The following NR4A3 variants were observed in gnomAD, a reference collection of about 807,000 sequenced individuals.
NR4A3 encodes the protein chondrosarcoma, extraskeletal myxoid, fused to EWS.
In NR4A3, 13 loss-of-function variants were observed where a neutral mutation model predicts 55.6. The observed-to-expected ratio is 0.23, with a 90% CI of 0.15 to 0.37. The LOEUF is 0.37. Among genes scored for constraint, NR4A3 ranks in the 10% least tolerant of loss-of-function variants. The pLI is 1.00. For synonymous variants in NR4A3, 342 were observed against 357.9 expected, an observed-to-expected ratio of 0.96 and a Z score of 0.50; for missense variants, 646 against 822.8, an observed-to-expected ratio of 0.79 and a Z score of 2.63.
chr9:99,832,667 A>G, intron 3 of NR4A3, 22 bp from the exon 4 acceptor site: 1 of 1,553,350 alleles, frequency 6.4e-7, no homozygotes, highest in Non-Finnish European at 8.8e-7. Context: ...TCAGTTGACT[A>G]TCTTGTATTA....
At chr9:99,836,249 AAAAT>A (rs1256214448) in intron 5 of NR4A3, among the ~76,000 whole-genome samples, 1 of 152,238 alleles carries the variant, frequency 6.6e-6, no homozygotes, top group East Asian at 1.9e-4. Context: ...AAAGTTAACA[AAAAT>A]AAATCTGAAG....
At chr9:99,840,021 C>G (rs1388730513) in intron 5 of NR4A3, among the ~76,000 whole-genome samples, 1 of 152,222 alleles carries the variant, frequency 6.6e-6, no homozygotes, top group African/African-American at 2.4e-5. Flanking sequence ...TTGTTCCGTT[C>G]CTTTACATCT....
At chr9:99,853,404 T>C (rs1446519314) in intron 7 of NR4A3, among the ~76,000 whole-genome samples, 2 of 124,920 alleles carry the variant, frequency 1.6e-5, no homozygotes, top group East Asian at 4.6e-4. Flanking sequence ...TGTATACATG[T>C]GCCATGCTGG....
Position 99,838,193 on chromosome 9 carries a change from T to C in NR4A3, c.1254+4739T>C, listed in dbSNP as rs74901201. Reference sequence around the variant, plus strand: ...ACTGGGATTAGCTTCAGAGCCTGCATAATTACTAATGAGAAAACATACTTA... The same window carrying C: ...ACTGGGATTAGCTTCAGAGCCTGCACAATTACTAATGAGAAAACATACTTA... On this transcript the variant is annotated intron_variant, in intron 5 of 7. Coordinates refer to ENST00000395097, the MANE Select transcript of NR4A3 (RefSeq NM_006981.4). Among the ~76,000 whole-genome samples the C allele has an allele frequency of 9.5e-3, 1,451 of 152,344 alleles. 26 individuals carry two copies. Among genetic ancestry groups the C allele is most frequent in the Admixed American group, 0.047 (726 of 15,308 alleles).
chr9:99,844,416 C>T (rs1013698786), intron 5 of NR4A3, among the ~76,000 whole-genome samples: 2 of 152,314 alleles, frequency 1.3e-5, no homozygotes, highest in East Asian at 1.9e-4. Context: ...TTTGCCAATT[C>T]GGCTTAAGCA....
intron 5 of NR4A3, chr9:99,833,904 C>A (rs1040538176): frequency 1.6e-6 from 2 of 1,214,226 alleles, no homozygotes; most frequent in Middle Eastern, 3.4e-4. Flanking sequence ...AGGGATTAGA[C>A]CATTGGTGGA....
intron 3 of NR4A3, among the ~76,000 whole-genome samples, chr9:99,831,553 T>A (rs1317128785): frequency 1.3e-5 from 2 of 152,200 alleles, no homozygotes; most frequent in African/African-American, 4.8e-5. Context: ...AAGTAAATGT[T>A]AAAAAGCAAA....
At chr9:99,823,127 G>A (rs1347235213) in intron 1 of NR4A3, among the ~76,000 whole-genome samples, 2 of 152,220 alleles carry the variant, frequency 1.3e-5, no homozygotes, top group Non-Finnish European at 2.9e-5. Flanking sequence ...ACACTGACAC[G>A]TGTGGGGACG....
Position 99,866,566 on chromosome 9 carries a change from T to C in NR4A3, c.*2699T>C. The C allele has an allele frequency of 4.4e-6, 1 of 228,082 alleles. No homozygotes were observed. Among genetic ancestry groups the C allele is most frequent in the Non-Finnish European group, 8.7e-6 (1 of 114,544 alleles). 14.1% of individuals were successfully genotyped at this position (228,082 alleles called of 1,614,324 possible). On this transcript the variant is annotated 3_prime_UTR_variant, in exon 8 of 8. Transcript: ENST00000395097. ...ATCTTATCAACTCAACTCCCTTTTTTTTGTCTTAATGTTGCACATAAGTTT... is the reference window on the plus strand; with the variant it reads ...ATCTTATCAACTCAACTCCCTTTTTCTTGTCTTAATGTTGCACATAAGTTT...
intron 5 of NR4A3, among the ~76,000 whole-genome samples, chr9:99,840,087 G>A (rs186919300): frequency 6.6e-6 from 1 of 152,364 alleles, no homozygotes; most frequent in Non-Finnish European, 1.5e-5. Context: ...TGACCCTCCA[G>A]TCACCCCCAA....
chr9:99,834,306 T>C (rs1564032072), intron 5 of NR4A3, among the ~76,000 whole-genome samples: 1 of 152,194 alleles, frequency 6.6e-6, no homozygotes, highest in Non-Finnish European at 1.5e-5. Flanking sequence ...AGGCAATTTC[T>C]TTAAAGGACT....
chr9:99,826,955 T>A (rs1827307271), intron 2 of NR4A3, among the ~76,000 whole-genome samples: 1 of 152,190 alleles, frequency 6.6e-6, no homozygotes, highest in African/African-American at 2.4e-5. Flanking sequence ...CCATTTATAT[T>A]TAGCCATAAA....
chr9:99,864,757 C>A lies in NR4A3; in HGVS notation c.*890C>A. 1 of 223,636 alleles carries A rather than the reference C, an allele frequency of 4.5e-6. No homozygotes were observed. The highest frequency in any genetic ancestry group is 9.0e-6 in the Non-Finnish European group (1 of 111,710). 13.9% of individuals were successfully genotyped at this position (223,636 alleles called of 1,614,324 possible). ...ACTGTTTTGGTTGTGTTCTATCAACCCCACCAGAGTTCCCTAAACTTGCTT... is the reference window on the plus strand; with the variant it reads ...ACTGTTTTGGTTGTGTTCTATCAACACCACCAGAGTTCCCTAAACTTGCTT... On this transcript the variant is annotated 3_prime_UTR_variant, in exon 8 of 8. Coordinates refer to ENST00000395097, the MANE Select transcript of NR4A3 (RefSeq NM_006981.4).
At chr9:99,845,686 G>A (rs912780073) in intron 6 of NR4A3, among the ~76,000 whole-genome samples, 11 of 152,132 alleles carry the variant, frequency 7.2e-5, no homozygotes, top group Non-Finnish European at 1.2e-4. Context: ...AATTTTTAAA[G>A]TGCAGATTGC....
chr9:99,832,205 C>G (rs1215466509), intron 3 of NR4A3, among the ~76,000 whole-genome samples: 1 of 151,998 alleles, frequency 6.6e-6, no homozygotes, highest in Non-Finnish European at 1.5e-5. Context: ...TTAGAAAAAT[C>G]CTGATTTTGG....
At chr9:99,834,485 GAAAACAAAAACA>G (rs756738074) in intron 5 of NR4A3, among the ~76,000 whole-genome samples, 4 of 151,972 alleles carry the variant, frequency 2.6e-5, no homozygotes, top group African/African-American at 4.8e-5. Flanking sequence ...CTACTTGAAG[GAAAACAAAAACA>G]AAAACAAAAA....
At chr9:99,846,431 C>T (rs1467785575) in intron 6 of NR4A3, among the ~76,000 whole-genome samples, 1 of 152,096 alleles carries the variant, frequency 6.6e-6, no homozygotes, top group Non-Finnish European at 1.5e-5. Flanking sequence ...AAGCCACACC[C>T]CAAGTCATCA....
intron 7 of NR4A3, among the ~76,000 whole-genome samples, chr9:99,860,264 G>A (rs542465692): frequency 2.0e-5 from 3 of 149,514 alleles, no homozygotes; most frequent in South Asian, 4.2e-4. Flanking sequence ...TCTGTTTGAT[G>A]TCTTCAGAAT....
At chr9:99,858,722 A>T (rs1827966480) in intron 7 of NR4A3, among the ~76,000 whole-genome samples, 1 of 152,240 alleles carries the variant, frequency 6.6e-6, no homozygotes, top group Non-Finnish European at 1.5e-5. Context: ...GCCCCGTGCT[A>T]ATTTTGACTA....
Sources: allele counts gnomAD v4.1 joint callset (sites outside exome capture counted in the v4.1 genomes callset), GRCh38; gene constraint gnomAD v4.1.1; transcripts MANE v1.5; gene names NCBI Gene and HGNC (gene_info 2026-07-23, HGNC 2026-07-21).